Variants in SV2B observed in about 807,000 individuals in gnomAD.
SV2B encodes the protein solute carrier family 22 member B2.
In SV2B, 41 loss-of-function variants were observed where a neutral mutation model predicts 73.9. The ratio of observed to expected loss-of-function variants is 0.56; its 90% CI spans 0.43 to 0.72. The LOEUF is 0.72. Among genes scored for constraint, SV2B ranks in the 30% least tolerant of loss-of-function variants. SV2B has a pLI of 0.00. For missense variants in SV2B, 764 were observed against 857.8 expected, an observed-to-expected ratio of 0.89 and a Z score of 1.37; for synonymous variants, 314 against 314.2, an observed-to-expected ratio of 1.00 and a Z score of 0.01.
rs180743184 is a variant in SV2B at position 91,219,917 on chromosome 15, C to T, written c.-391-5956C>T. Among the ~76,000 whole-genome samples, 13 of 152,308 alleles carry T rather than the reference C, an allele frequency of 8.5e-5. No individual in the cohort carries two copies. The East Asian group carries it at 1.2e-3, about 14-fold the overall frequency. On this transcript the variant is annotated intron_variant, in intron 1 of 12. Coordinates refer to ENST00000394232, the MANE Select transcript of SV2B (RefSeq NM_001323032.3). The stretch of plus-strand genomic sequence containing the variant: ...TTTGTGTTTAGCTTCTTTCATTTGA[C>T]GTAATGTTCACCCAGGTTATAGTTT...
In SV2B at chr15:91,226,088, G is replaced by T; in HGVS notation, c.-176G>T. On this transcript the variant is annotated 5_prime_UTR_variant, in exon 2 of 13. Transcript: ENST00000394232. ...TTTAGGTTGTCTTTGCACAAATCTG[G>T]TTGATTTGAGAGATAAAGGGGGGGG... The T allele has an allele frequency of 1.6e-6, 1 of 637,376 alleles. No individual in the cohort carries two copies. Among genetic ancestry groups the T allele is most frequent in the Non-Finnish European group, 2.7e-6 (1 of 376,052 alleles). The allele number at this position is 637,376 out of a possible 1,614,324, so 39.5% of individuals were successfully genotyped here. A position where few individuals can be genotyped will look rare whatever the true frequency, so the allele number is the denominator to read the frequency against.
chr15:91,173,951 T>G (rs533410171), intron 1 of SV2B, among the ~76,000 whole-genome samples: 2 of 152,282 alleles, frequency 1.3e-5, no homozygotes, highest in South Asian at 4.1e-4. Flanking sequence ...GATTTTGGGT[T>G]TCAGTGCATG....
intron 1 of SV2B, among the ~76,000 whole-genome samples, chr15:91,131,388 G>T (rs552426026): frequency 5.4e-5 from 8 of 148,654 alleles, no homozygotes; most frequent in Admixed American, 3.3e-4. Context: ...ATCTGTATTG[G>T]GGGGGGTTGG....
At chr15:91,127,743 G>A (rs1177165738) in intron 1 of SV2B, among the ~76,000 whole-genome samples, 1 of 152,054 alleles carries the variant, frequency 6.6e-6, no homozygotes, top group Non-Finnish European at 1.5e-5. Flanking sequence ...TGTGGTCTCA[G>A]TGTTCTGCTG....
intron 9 of SV2B, among the ~76,000 whole-genome samples, chr15:91,275,201 G>A (rs577728087): frequency 2.6e-5 from 4 of 151,756 alleles, no homozygotes; most frequent in East Asian, 1.9e-4. Flanking sequence ...CATGTTTTTT[G>A]TTTTTTCTTT....
At chr15:91,152,415 A>G (rs1189771578) in intron 1 of SV2B, among the ~76,000 whole-genome samples, 1 of 152,084 alleles carries the variant, frequency 6.6e-6, no homozygotes, top group Admixed American at 6.5e-5. Context: ...CACTGTTCCC[A>G]CCTTTGAGTC....
intron 1 of SV2B, among the ~76,000 whole-genome samples, chr15:91,157,078 A>G (rs2043516730): frequency 6.6e-6 from 1 of 152,152 alleles, no homozygotes; most frequent in African/African-American, 2.4e-5. Context: ...CGTATCAAAC[A>G]CTGAAATCAT....
In SV2B at chr15:91,280,840, G is replaced by A. The variant is rs999012236; in HGVS notation, c.1374-888G>A. 1.1e-4 allele frequency among the ~76,000 whole-genome samples: 16 copies of A among 152,184 alleles called. No homozygotes were observed. Among genetic ancestry groups the A allele is most frequent in the East Asian group, 7.7e-4 (4 of 5,200 alleles). On this transcript the variant is annotated intron_variant, in intron 9 of 12. Transcript: ENST00000394232. The surrounding 1 kb of genome is among the most constrained non-coding windows in gnomAD (Gnocchi z 5.8). ...CCATTGTGCCTCCCTGGAAACAACC[G>A]TTTCTATCAGTTTCTTGTGTAGCTC...
chr15:91,155,931 C>T (rs779122284), intron 1 of SV2B, among the ~76,000 whole-genome samples: 12 of 151,952 alleles, frequency 7.9e-5, no homozygotes, highest in South Asian at 2.1e-4. Context: ...TTACATTTAC[C>T]GTGACTCTCA....
chr15:91,143,971 ATACTC>A (rs1311754961), intron 1 of SV2B, among the ~76,000 whole-genome samples: 3 of 152,194 alleles, frequency 2.0e-5, no homozygotes, highest in African/African-American at 4.8e-5. Context: ...TTAAGACACA[ATACTC>A]TATTCATGTA....
At position 91,110,647 on chromosome 15, in the gene SV2B, G is replaced by A. The variant is rs192141675; in HGVS notation, c.-392+10284G>A. ...GCTCTGCGGGAGAGGAAGAGGCACCGTGGGGTGGCCTGCCCTAGGCAAAGT... is the reference window on the plus strand; with the variant it reads ...GCTCTGCGGGAGAGGAAGAGGCACCATGGGGTGGCCTGCCCTAGGCAAAGT... On this transcript the variant is annotated intron_variant, in intron 1 of 12. Coordinates refer to ENST00000394232, the MANE Select transcript of SV2B (RefSeq NM_001323032.3). This position sits in a 1 kb window ranked among gnomAD's most constrained non-coding sequence, Gnocchi z 5.4. Among the ~76,000 whole-genome samples, 97 of 152,318 alleles carry A rather than the reference G, an allele frequency of 6.4e-4. No homozygotes were observed. Among genetic ancestry groups the A allele is most frequent in the Non-Finnish European group, 9.6e-4 (65 of 68,038 alleles).
chr15:91,133,173 G>A (rs778670473), intron 1 of SV2B, among the ~76,000 whole-genome samples: 1 of 152,154 alleles, frequency 6.6e-6, no homozygotes, highest in Non-Finnish European at 1.5e-5. Context: ...TGCATTTGTA[G>A]GAATTAAGCA....
At chr15:91,186,682 T>C (rs1193943023) in intron 1 of SV2B, among the ~76,000 whole-genome samples, 1 of 152,112 alleles carries the variant, frequency 6.6e-6, no homozygotes, top group African/African-American at 2.4e-5. Context: ...GGACACAGCA[T>C]AGAATAAGAG....
At chr15:91,172,466 A>G (rs1464660996) in intron 1 of SV2B, among the ~76,000 whole-genome samples, 2 of 152,210 alleles carry the variant, frequency 1.3e-5, no homozygotes, top group Non-Finnish European at 2.9e-5. Flanking sequence ...CCCTGGATAC[A>G]GCATTTTGGT....
chr15:91,286,829 C>A (rs1403010256), intron 11 of SV2B, among the ~76,000 whole-genome samples: 1 of 152,078 alleles, frequency 6.6e-6, no homozygotes, highest in Non-Finnish European at 1.5e-5. Flanking sequence ...TCCCAATTAC[C>A]AGAGGAATAA....
At chr15:91,218,523 C>G (rs1314132655) in intron 1 of SV2B, among the ~76,000 whole-genome samples, 1 of 152,138 alleles carries the variant, frequency 6.6e-6, no homozygotes, top group Non-Finnish European at 1.5e-5. Context: ...ACAAAGCTGA[C>G]ACATATGAAT....
rs113081892 is a variant in SV2B at position 91,197,803 on chromosome 15, A to G, written c.-391-28070A>G. ...AATCCCAGCACTTTGGGAGGCCGAG[A>G]TGGGTGGATCACCTGAGGTCAGGAG... On this transcript the variant is annotated intron_variant, in intron 1 of 12. Transcript: ENST00000394232. The surrounding 1 kb of genome is among the most constrained non-coding windows in gnomAD (Gnocchi z 4.9). 0.035 allele frequency among the ~76,000 whole-genome samples: 5,285 copies of G among 152,000 alleles called. 295 individuals carry two copies. The highest frequency in any genetic ancestry group is 0.12 in the African/African-American group (4,884 of 41,452).
intron 9 of SV2B, among the ~76,000 whole-genome samples, chr15:91,274,610 T>A (rs977491342): frequency 4.6e-5 from 7 of 152,224 alleles, no homozygotes; most frequent in African/African-American, 1.7e-4. Context: ...ATCTGTTGGA[T>A]CTGTAATTGT....
chr15:91,255,583 T>A (rs1191002450), intron 4 of SV2B, among the ~76,000 whole-genome samples: 1 of 152,210 alleles, frequency 6.6e-6, no homozygotes, highest in Non-Finnish European at 1.5e-5. Context: ...CTTACTCATG[T>A]AACCAAACAC....
Sources: gnomAD v4.1 joint callset for allele counts (sites outside exome capture counted in the v4.1 genomes callset) on GRCh38, gnomAD v4.1.1 for gene constraint, Gnocchi (gnomAD v3.1) non-coding constraint, MANE v1.5 for transcripts, NCBI Gene and HGNC (gene_info 2026-07-23, HGNC 2026-07-21) for gene names.